WWOX: variants seen among roughly 807,000 people sequenced by gnomAD.
WWOX encodes WW domain-containing oxidoreductase.
Under a neutral mutation model 46.2 loss-of-function variants are expected in WWOX, and 69 were observed. That is an observed-to-expected ratio of 1.49 (90% CI 1.23 to 1.82). WWOX has a LOEUF of 1.82. Among genes scored for constraint, WWOX ranks in the 40% most tolerant of loss-of-function variants. The pLI, the probability that WWOX is intolerant of heterozygous loss-of-function variation, is 0.00. For missense variants in WWOX, 919 were observed against 542.6 expected, an observed-to-expected ratio of 1.69 and a Z score of -6.89; for synonymous variants, 359 against 202.6, an observed-to-expected ratio of 1.77 and a Z score of -6.56.
At chr16:78,971,183 G>A (rs556325395) in intron 8 of WWOX, among the ~76,000 whole-genome samples, 3 of 152,060 alleles carry the variant, frequency 2.0e-5, no homozygotes, top group South Asian at 2.1e-4. Context: ...TTTTAGGGCC[G>A]GGCACGGTGG....
At chr16:79,169,453 C>G (rs922932756) in intron 8 of WWOX, among the ~76,000 whole-genome samples, 3 of 152,176 alleles carry the variant, frequency 2.0e-5, no homozygotes, top group Non-Finnish European at 4.4e-5. Flanking sequence ...TCTCACTGAG[C>G]ACTATTCTTG....
At chr16:78,849,291 C>T (rs995461313) in intron 8 of WWOX, among the ~76,000 whole-genome samples, 32 of 152,138 alleles carry the variant, frequency 2.1e-4, no homozygotes, top group Admixed American at 1.0e-3. Context: ...CAACGACAGG[C>T]CGGGCGCGGT....
Position 79,018,377 on chromosome 16 carries a change from C to T in WWOX, c.1057-193231C>T, listed in dbSNP as rs181907467. Among the ~76,000 whole-genome samples, 11 of 152,210 alleles carry T rather than the reference C, an allele frequency of 7.2e-5. No homozygotes were observed. In the East Asian group the frequency reaches 2.1e-3, roughly 29 times the overall value. ...GTGCTCTGTAAACATTATGATTTGTCAGTAATCAATGTGATTTGTATAATT... is the reference window on the plus strand; with the variant it reads ...GTGCTCTGTAAACATTATGATTTGTTAGTAATCAATGTGATTTGTATAATT... On this transcript the variant is annotated intron_variant, in intron 8 of 8. Transcript: ENST00000566780.
At chr16:78,448,321 A>C (rs1212464014) in intron 8 of WWOX, among the ~76,000 whole-genome samples, 1 of 152,222 alleles carries the variant, frequency 6.6e-6, no homozygotes, top group Non-Finnish European at 1.5e-5. Context: ...TTAGTTATCT[A>C]TCACTGCATA....
chr16:78,417,568 C>G (rs2082827866), intron 6 of WWOX, among the ~76,000 whole-genome samples: 1 of 152,198 alleles, frequency 6.6e-6, no homozygotes, highest in South Asian at 2.1e-4. Flanking sequence ...ATTTCAGATG[C>G]AACCTGAAAG....
intron 5 of WWOX, among the ~76,000 whole-genome samples, chr16:78,215,469 C>T (rs2036689124): frequency 6.6e-6 from 1 of 152,192 alleles, no homozygotes; most frequent in African/African-American, 2.4e-5. Flanking sequence ...GGCCTTCATT[C>T]TCTTTCCTGC....
chr16:78,603,242 G>A (rs369116908), intron 8 of WWOX, among the ~76,000 whole-genome samples: 2 of 152,168 alleles, frequency 1.3e-5, no homozygotes, highest in Non-Finnish European at 1.5e-5. Context: ...TAAGGCATTG[G>A]ATGCTCATAG....
intron 8 of WWOX, among the ~76,000 whole-genome samples, chr16:78,684,055 G>C (rs2738627): frequency 6.6e-6 from 1 of 151,980 alleles, no homozygotes; most frequent in African/African-American, 2.4e-5. Context: ...CTCCCTCACA[G>C]TTTTGGCTCG....
intron 8 of WWOX, among the ~76,000 whole-genome samples, chr16:78,813,862 T>G (rs1164118068): frequency 1.3e-5 from 2 of 152,174 alleles, no homozygotes; most frequent in Non-Finnish European, 2.9e-5. Context: ...GTCAGCACAT[T>G]TAGCAAGCAT....
intron 8 of WWOX, among the ~76,000 whole-genome samples, chr16:78,541,557 G>A (rs2043896019): frequency 6.7e-6 from 1 of 148,452 alleles, no homozygotes; most frequent in African/African-American, 2.5e-5. Flanking sequence ...GATATCTACA[G>A]TGCTTGTCTC....
At chr16:79,175,010 C>T (rs367699123) in intron 8 of WWOX, among the ~76,000 whole-genome samples, 37 of 152,100 alleles carry the variant, frequency 2.4e-4, no homozygotes, top group Non-Finnish European at 4.0e-4. Context: ...CTCAGCATAC[C>T]GTGTCTTATT....
chr16:78,473,676 G>C (rs915746505), intron 8 of WWOX, among the ~76,000 whole-genome samples: 2 of 152,010 alleles, frequency 1.3e-5, no homozygotes, highest in African/African-American at 2.4e-5. Context: ...TTTTGGAATT[G>C]TCTTAAACAA....
chr16:78,655,983 G>GA (rs1335682106), intron 8 of WWOX, among the ~76,000 whole-genome samples: 1 of 152,000 alleles, frequency 6.6e-6, no homozygotes, highest in Admixed American at 6.6e-5. Context: ...TTGCCAGGGG[G>GA]AAAAAAAGAG....
At chr16:78,416,453 G>A (rs565270168) in intron 6 of WWOX, among the ~76,000 whole-genome samples, 1 of 152,292 alleles carries the variant, frequency 6.6e-6, no homozygotes, top group East Asian at 1.9e-4. Context: ...TTAGGTACAG[G>A]ATACATATTT....
intron 8 of WWOX, among the ~76,000 whole-genome samples, chr16:78,632,990 T>G (rs185463184): frequency 6.6e-6 from 1 of 152,190 alleles, no homozygotes; most frequent in Admixed American, 6.5e-5. Flanking sequence ...TGGCCAGGCA[T>G]GGTGGCTCAT....
At chr16:78,941,528 A>C (rs753285145) in intron 8 of WWOX, among the ~76,000 whole-genome samples, 2 of 151,404 alleles carry the variant, frequency 1.3e-5, no homozygotes, top group Non-Finnish European at 2.9e-5. Flanking sequence ...GTAGTCCTGT[A>C]TGAAGCTGGG....
chr16:78,737,055 AT>A (rs2049108802), intron 8 of WWOX, among the ~76,000 whole-genome samples: 1 of 151,688 alleles, frequency 6.6e-6, no homozygotes, highest in African/African-American at 2.4e-5. Flanking sequence ...TTATATGTCT[AT>A]TTTTTTGGTC....
intron 8 of WWOX, among the ~76,000 whole-genome samples, chr16:79,095,869 T>C (rs1359159393): frequency 1.3e-5 from 2 of 150,258 alleles, no homozygotes; most frequent in African/African-American, 4.9e-5. Flanking sequence ...TCTTTTTTTT[T>C]TTTTTTTTTT....
chr16:78,398,362 T>G (rs906231023), intron 6 of WWOX, among the ~76,000 whole-genome samples: 2 of 152,220 alleles, frequency 1.3e-5, no homozygotes, highest in Non-Finnish European at 2.9e-5. Context: ...TTTGCTTGTG[T>G]GGCTCCTCTC....
Sources: allele counts gnomAD v4.1 joint callset (sites outside exome capture counted in the v4.1 genomes callset), GRCh38; gene constraint gnomAD v4.1.1; transcripts MANE v1.5; gene names NCBI Gene and HGNC (gene_info 2026-07-23, HGNC 2026-07-21).